MARK3: variants seen among roughly 807,000 people sequenced by gnomAD.
MARK3 encodes the protein microtubule affinity regulating kinase 3, also known as MAP/microtubule affinity-regulating kinase 3.
In MARK3, 46 loss-of-function variants were observed where a neutral mutation model predicts 90.1. That is an observed-to-expected ratio of 0.51 (90% CI 0.40 to 0.65). The LOEUF (loss-of-function observed/expected upper bound fraction) is 0.65, where lower values mean the gene tolerates loss of function less well. Ranked by LOEUF, MARK3 falls within the 30% of genes least tolerant of loss-of-function variation. MARK3 has a pLI of 0.00. For missense variants in MARK3, 818 were observed against 947.2 expected, an observed-to-expected ratio of 0.86 and a Z score of 1.79; for synonymous variants, 321 against 332.6, an observed-to-expected ratio of 0.97 and a Z score of 0.38.
At chr14:103,464,934 A>G (rs1354311300) in intron 7 of MARK3, among the ~76,000 whole-genome samples, 2 of 151,188 alleles carry the variant, frequency 1.3e-5, no homozygotes, top group African/African-American at 4.9e-5. Flanking sequence ...CCTGGGCTCA[A>G]GTGAGCCACT....
intron 14 of MARK3, among the ~76,000 whole-genome samples, chr14:103,482,922 C>G (rs911701734): frequency 1.3e-5 from 2 of 152,102 alleles, no homozygotes; most frequent in Non-Finnish European, 2.9e-5. Flanking sequence ...CTGAAGGTGT[C>G]GTCTTTCTCT....
intron 14 of MARK3, chr14:103,491,008 G>A (rs762842670): frequency 1.1e-5 from 14 of 1,288,540 alleles, no homozygotes; most frequent in South Asian, 6.2e-5. Context: ...ACATCTACCT[G>A]TCGGCTGAGA....
intron 7 of MARK3, 88 bp downstream of exon 7, chr14:103,462,549 G>T: frequency 1.2e-6 from 1 of 856,698 alleles, no homozygotes; most frequent in Non-Finnish European, 1.8e-6. Flanking sequence ...GTATAGATTA[G>T]CCTTATTAGC....
At chr14:103,468,789 CTTT>C (rs372468049) in intron 12 of MARK3, among the ~76,000 whole-genome samples, 5 of 138,654 alleles carry the variant, frequency 3.6e-5, no homozygotes, top group Non-Finnish European at 3.1e-5. Context: ...TGTAGTTTTC[CTTT>C]TTTTTTTTTT....
intron 14 of MARK3, among the ~76,000 whole-genome samples, chr14:103,488,236 C>T (rs1450171518): frequency 6.6e-6 from 1 of 152,020 alleles, no homozygotes; most frequent in African/African-American, 2.4e-5. Flanking sequence ...TAAAAAAAGT[C>T]CAGGGCTAGA....
At chr14:103,462,326 GTGAACA>G in intron 6 of MARK3, 73 bp from the exon 7 acceptor site, 1 of 1,043,400 alleles carries the variant, frequency 9.6e-7, no homozygotes, top group Non-Finnish European at 1.5e-6. Context: ...TTCATTATGT[GTGAACA>G]TTAACAAAGT....
At chr14:103,435,873 C>T (rs993888566) in intron 3 of MARK3, among the ~76,000 whole-genome samples, 4 of 151,776 alleles carry the variant, frequency 2.6e-5, no homozygotes, top group African/African-American at 9.7e-5. Flanking sequence ...CGCGCACCAC[C>T]ACACCCAACT....
intron 14 of MARK3, among the ~76,000 whole-genome samples, chr14:103,481,648 T>A (rs2093820437): frequency 6.6e-6 from 1 of 151,774 alleles, no homozygotes; most frequent in African/African-American, 2.4e-5. Flanking sequence ...CTCGTGTGTG[T>A]GTGTGTGTGT....
At chr14:103,406,127 T>A (rs1262208511) in intron 2 of MARK3, among the ~76,000 whole-genome samples, 1 of 151,762 alleles carries the variant, frequency 6.6e-6, no homozygotes, top group Non-Finnish European at 1.5e-5. Context: ...AACTCCTGTG[T>A]TCAAGCAGTC....
chr14:103,440,791 T>A (rs562854020), intron 3 of MARK3, among the ~76,000 whole-genome samples: 9 of 151,512 alleles, frequency 5.9e-5, no homozygotes, highest in South Asian at 4.2e-4. Flanking sequence ...TTTTTTTTTT[T>A]AATTATCTGG....
chr14:103,448,529 G>T (rs1219148938), intron 3 of MARK3, among the ~76,000 whole-genome samples: 1 of 152,128 alleles, frequency 6.6e-6, no homozygotes, highest in Non-Finnish European at 1.5e-5. Flanking sequence ...GTATTTCACT[G>T]GAACCATACA....
intron 15 of MARK3, among the ~76,000 whole-genome samples, chr14:103,496,480 T>A (rs566269947): frequency 3.0e-4 from 46 of 152,082 alleles, no homozygotes; most frequent in African/African-American, 1.0e-3. Context: ...TGGCACGATC[T>A]TGGTTCACTG....
Position 103,468,154 on chromosome 14 carries a change from C to A in MARK3, c.1232C>A (p.Ser411Ter). The change falls in exon 12 of 18, where the codon TCA becomes TAA. Residue 411 changes from serine to a stop codon, truncating the protein, a stop_gained. Coordinates refer to ENST00000429436, the MANE Select transcript of MARK3 (RefSeq NM_001128918.3). LOFTEE classifies it high-confidence loss of function. ...CACAAAGTGCAGAGAAGTGTTTCTT[C>A]AAGCCAAAAGCAAAGACGCTACAGT... ...PHHKVQRSVS[S>*]SQKQRRYSDH... is the part of the protein sequence containing the mutation. 6.2e-7 allele frequency: 1 copy of A among 1,613,874 alleles called. No individual in the cohort carries two copies. The highest frequency in any genetic ancestry group is 1.1e-5 in the South Asian group (1 of 91,060).
At chr14:103,444,120 TTC>T (rs1188182156) in intron 3 of MARK3, among the ~76,000 whole-genome samples, 1 of 124,388 alleles carries the variant, frequency 8.0e-6, no homozygotes, top group Non-Finnish European at 1.6e-5. Flanking sequence ...GAGACTAAAA[TTC>T]TCTCTCTCTT....
rs10529756 is a variant in MARK3, at chr14:103,423,200, C to CTT, written c.244-5174_244-5173dup. Among the ~76,000 whole-genome samples, 162 of 94,688 alleles carry CTT rather than the reference C, an allele frequency of 1.7e-3. 23 individuals carry two copies. The highest frequency in any genetic ancestry group is 5.7e-3 in the African/African-American group (128 of 22,420). 62.1% of individuals were successfully genotyped at this position (94,688 alleles called of 152,430 possible). On this transcript the variant is annotated intron_variant, in intron 2 of 17. Coordinates refer to ENST00000429436, the MANE Select transcript of MARK3 (RefSeq NM_001128918.3). ...TCTATCCCCCTAGAGGACTTGCAGT[C>CTT]TTTTTTTTTTTTTTGCCTCCTCTTT...
rs34768749 is a variant in MARK3 at position 103,479,628 on chromosome 14, C to CTTTTTTTTTTTTTTTTTTTTTTTTTTTT, written c.1483-738_1483-737insTTTTTTTTTTTTTTTTTTTTTTTTTTTT. Among the ~76,000 whole-genome samples the CTTTTTTTTTTTTTTTTTTTTTTTTTTTT allele has an allele frequency of 1.2e-4, 9 of 78,238 alleles. 4 individuals carry two copies. The highest frequency in any genetic ancestry group is 1.1e-4 in the Non-Finnish European group (5 of 45,202). 51.3% of individuals were successfully genotyped at this position (78,238 alleles called of 152,430 possible). On this transcript the variant is annotated intron_variant, in intron 13 of 17. Transcript: ENST00000429436. ...ATGTGTTTCTTGGCCATACGTATAG[C>CTTTTTTTTTTTTTTTTTTTTTTTTTTTT]TTTTTTTTTTTTTTTTTTTTTGAGA...
chr14:103,385,977 G>A lies in MARK3; in HGVS notation c.-53G>A, dbSNP rs1056217467. ...GGACGCTGGTCGCCGGCCTCCTAGG[G>A]CTGTGCTGTTTTGTTTTGACCCTCG... On this transcript the variant is annotated 5_prime_UTR_variant, in exon 1 of 18. Coordinates refer to ENST00000429436, the MANE Select transcript of MARK3 (RefSeq NM_001128918.3). The A allele has an allele frequency of 1.1e-5, 16 of 1,476,198 alleles. No individual in the cohort carries two copies. Among genetic ancestry groups the A allele is most frequent in the Admixed American group, 3.3e-5 (2 of 59,844 alleles). 91.4% of individuals were successfully genotyped at this position (1,476,198 alleles called of 1,614,324 possible).
chr14:103,404,524 T>C (rs1223877674), intron 1 of MARK3, among the ~76,000 whole-genome samples: 1 of 152,210 alleles, frequency 6.6e-6, no homozygotes, highest in Admixed American at 6.5e-5. Context: ...ATTGAGTACT[T>C]TATTCATCTA....
intron 2 of MARK3, among the ~76,000 whole-genome samples, chr14:103,418,345 C>T (rs1233373569): frequency 1.4e-5 from 2 of 146,438 alleles, no homozygotes; most frequent in Non-Finnish European, 3.0e-5. Flanking sequence ...CTCTGGATGT[C>T]TGGTAGCCTC....
Sources: allele counts gnomAD v4.1 joint callset (sites outside exome capture counted in the v4.1 genomes callset), GRCh38; gene constraint gnomAD v4.1.1; transcripts MANE v1.5; gene names NCBI Gene and HGNC (gene_info 2026-07-23, HGNC 2026-07-21).